The following TMPRSS11D variants were observed in gnomAD, a reference collection of about 807,000 sequenced individuals.
TMPRSS11D encodes transmembrane serine protease 11D, also known as transmembrane protease serine 11D.
Under a neutral mutation model 44.4 loss-of-function variants are expected in TMPRSS11D, and 32 were observed. The observed-to-expected ratio is 0.72, with a 90% CI of 0.54 to 0.97. The LOEUF is 0.97. Ranked by LOEUF, TMPRSS11D falls within the 50% of genes least tolerant of loss-of-function variation. The pLI is 0.00. For missense variants in TMPRSS11D, 446 were observed against 502.6 expected, an observed-to-expected ratio of 0.89 and a Z score of 1.08; for synonymous variants, 179 against 177.9, an observed-to-expected ratio of 1.01 and a Z score of -0.05.
At chr4:67,849,518 G>T (rs769091444) in intron 3 of TMPRSS11D, among the ~76,000 whole-genome samples, 2 of 135,084 alleles carry the variant, frequency 1.5e-5, no homozygotes, top group African/African-American at 2.8e-5. Flanking sequence ...AGCCTGTAAA[G>T]AACACAGAGA....
At chr4:67,845,744 T>C (rs927436445) in intron 3 of TMPRSS11D, among the ~76,000 whole-genome samples, 1 of 152,168 alleles carries the variant, frequency 6.6e-6, no homozygotes, top group Admixed American at 6.5e-5. Context: ...GGTGACAATA[T>C]TATTTTTTAA....
chr4:67,845,789 T>A lies in TMPRSS11D; in HGVS notation c.250-3164A>T, dbSNP rs114223401. On this transcript the variant is annotated intron_variant, in intron 3 of 9. Coordinates refer to ENST00000283916, the MANE Select transcript of TMPRSS11D (RefSeq NM_004262.3). Reference sequence around the variant, plus strand: ...AGTCTAGAATCCTTAATATCCATAATATTCATAATCAAAAGACTGAAGCAA... The same window carrying A: ...AGTCTAGAATCCTTAATATCCATAAAATTCATAATCAAAAGACTGAAGCAA... Among the ~76,000 whole-genome samples, 758 of 152,272 alleles carry A rather than the reference T, an allele frequency of 5.0e-3. 7 individuals are homozygous for A. Among genetic ancestry groups the A allele is most frequent in the African/African-American group, 0.015 (634 of 41,570 alleles).
chr4:67,834,825 A>C (rs763351278), intron 6 of TMPRSS11D, among the ~76,000 whole-genome samples: 1 of 152,154 alleles, frequency 6.6e-6, no homozygotes, highest in Admixed American at 6.6e-5. Context: ...AGAAATTTTC[A>C]TGAGGGCAAT....
chr4:67,875,257 C>T (rs1218134707), intron 1 of TMPRSS11D, among the ~76,000 whole-genome samples: 1 of 152,166 alleles, frequency 6.6e-6, no homozygotes, highest in Non-Finnish European at 1.5e-5. Context: ...AGGCAGTATG[C>T]ATACTGGCAG....
chr4:67,839,317 C>T (rs936285711), intron 4 of TMPRSS11D, among the ~76,000 whole-genome samples: 14 of 152,074 alleles, frequency 9.2e-5, no homozygotes, highest in Admixed American at 6.6e-4. Context: ...CAAATAATTA[C>T]AACTTCCATG....
intron 3 of TMPRSS11D, among the ~76,000 whole-genome samples, chr4:67,849,802 T>G (rs1382341421): frequency 3.3e-5 from 5 of 152,166 alleles, no homozygotes; most frequent in Non-Finnish European, 7.4e-5. Context: ...CATATTATCA[T>G]GAGAAATGGT....
chr4:67,825,832 A>T lies in TMPRSS11D; in HGVS notation c.995T>A (p.Ile332Lys), dbSNP rs929426341. 6.2e-5 allele frequency: 100 copies of T among 1,612,930 alleles called. No homozygotes were observed. Among genetic ancestry groups the T allele is most frequent in the Non-Finnish European group, 8.4e-5 (99 of 1,179,356 alleles). The change falls in exon 9 of 10, where the codon ATA becomes AAA. Residue 332 changes from isoleucine (I) to lysine (K), a missense_variant. Transcript: ENST00000283916. ...TGGTGCATTACATACATCATTACTTATTATTCTGACCTGTCCTTGCCTTAG... is the reference window on the plus strand; with the variant it reads ...TGGTGCATTACATACATCATTACTTTTTATTCTGACCTGTCCTTGCCTTAG... Reference protein sequence around the residue: ...PELRQGQVRIISNDVCNAPHS... With the variant: ...PELRQGQVRIKSNDVCNAPHS...
intron 3 of TMPRSS11D, among the ~76,000 whole-genome samples, chr4:67,847,603 C>T (rs1225352707): frequency 6.6e-6 from 1 of 152,174 alleles, no homozygotes; most frequent in African/African-American, 2.4e-5. Context: ...GTATTACTGT[C>T]TACCCTTCCC....
At chr4:67,833,454 T>C in intron 6 of TMPRSS11D, 73 bp from the exon 7 acceptor site, 2 of 1,313,610 alleles carry the variant, frequency 1.5e-6, no homozygotes, top group Non-Finnish European at 2.0e-6. Flanking sequence ...GAAGAGTCTT[T>C]CCATAATTTA....
chr4:67,850,787 C>T (rs542957018), intron 3 of TMPRSS11D, among the ~76,000 whole-genome samples: 2 of 152,330 alleles, frequency 1.3e-5, no homozygotes, highest in East Asian at 3.9e-4. Context: ...GTCAATCAAT[C>T]TTATATTTAA....
chr4:67,821,002 C>A lies in TMPRSS11D; in HGVS notation c.*1335G>T, dbSNP rs1323811895. On this transcript the variant is annotated 3_prime_UTR_variant, in exon 10 of 10. Coordinates refer to ENST00000283916, the MANE Select transcript of TMPRSS11D (RefSeq NM_004262.3). ...GATGGCTTTATTGTAGGTGTTTGCA[C>A]AATTTTACATCAGGAAATACAAGAA... is the stretch of plus-strand genomic sequence containing the variant. 6.6e-6 allele frequency: 1 copy of A among 152,192 alleles called. No homozygotes were observed. The highest frequency in any genetic ancestry group is 2.4e-5 in the African/African-American group (1 of 41,438). 9.4% of individuals were successfully genotyped at this position (152,192 alleles called of 1,614,324 possible). A position where few individuals can be genotyped will look rare whatever the true frequency, so the allele number is the denominator to read the frequency against.
chr4:67,878,065 T>C (rs1719236910), intron 1 of TMPRSS11D, among the ~76,000 whole-genome samples: 1 of 152,244 alleles, frequency 6.6e-6, no homozygotes, highest in South Asian at 2.1e-4. Context: ...GTAACATCTC[T>C]GCCCTGCTAT....
chr4:67,859,460 G>T, intron 2 of TMPRSS11D, 97 bp downstream of exon 2: 1 of 1,362,830 alleles, frequency 7.3e-7, no homozygotes, highest in Non-Finnish European at 1.0e-6. Context: ...ATTATATTAA[G>T]AAATAAAAGC....
At chr4:67,826,046 T>A (rs1410798537) in intron 8 of TMPRSS11D, among the ~76,000 whole-genome samples, 172 bp from the exon 9 acceptor site, 1 of 152,160 alleles carries the variant, frequency 6.6e-6, no homozygotes, top group Non-Finnish European at 1.5e-5. Flanking sequence ...CCCAAGTAGA[T>A]GAGGATAACC....
At position 67,839,953 on chromosome 4, in the gene TMPRSS11D, G is replaced by C. The variant is rs188092899; in HGVS notation, c.318-1624C>G. On this transcript the variant is annotated intron_variant, in intron 4 of 9. Transcript: ENST00000283916. Reference sequence around the variant, plus strand: ...CCATTAACTCGTCATTTAGCATTAGGTGTATCTCCTAATGCTATCCCTCCC... The same window carrying C: ...CCATTAACTCGTCATTTAGCATTAGCTGTATCTCCTAATGCTATCCCTCCC... Among the ~76,000 whole-genome samples the C allele has an allele frequency of 6.9e-3, 1,047 of 150,670 alleles. 12 individuals are homozygous for C. Among genetic ancestry groups the C allele is most frequent in the African/African-American group, 0.024 (995 of 41,000 alleles).
At chr4:67,865,198 T>G (rs1718891860) in intron 1 of TMPRSS11D, among the ~76,000 whole-genome samples, 1 of 151,086 alleles carries the variant, frequency 6.6e-6, no homozygotes, top group Non-Finnish European at 1.5e-5. Context: ...CAACTAGAAA[T>G]CAATACCAGG....
intron 3 of TMPRSS11D, among the ~76,000 whole-genome samples, chr4:67,846,799 T>G (rs1025249545): frequency 6.6e-6 from 1 of 152,174 alleles, no homozygotes; most frequent in Non-Finnish European, 1.5e-5. Flanking sequence ...ATACTTTATA[T>G]GATTTTCAGT....
Position 67,827,427 on chromosome 4 carries a change from G to A in TMPRSS11D, c.786C>T (p.Asn262=), listed in dbSNP as rs1560536433. 6.2e-7 allele frequency: 1 copy of A among 1,612,880 alleles called. No homozygotes were observed. Among genetic ancestry groups the A allele is most frequent in the Non-Finnish European group, 8.5e-7 (1 of 1,179,380 alleles). Residue 262 remains asparagine (N), a synonymous_variant, in exon 8 of 10, where the codon AAC becomes AAT. Coordinates refer to ENST00000283916, the MANE Select transcript of TMPRSS11D (RefSeq NM_004262.3). ...TTTCATGAGTTGCAGATTTATAATT[G>A]TTATGAATTAAAATATTTCTTACTC... ...RMRVRNILIH[N]NYKSATHEND...
chr4:67,851,463 C>G (rs1048896935), intron 3 of TMPRSS11D, among the ~76,000 whole-genome samples: 3 of 152,164 alleles, frequency 2.0e-5, no homozygotes, highest in Non-Finnish European at 2.9e-5. Context: ...GATTTTAACT[C>G]CCTGGAGCCA....
Sources: gnomAD v4.1 joint callset for allele counts (sites outside exome capture counted in the v4.1 genomes callset) on GRCh38, gnomAD v4.1.1 for gene constraint, MANE v1.5 for transcripts, NCBI Gene and HGNC (gene_info 2026-07-23, HGNC 2026-07-21) for gene names.